GNG2: variants seen among roughly 807,000 people sequenced by gnomAD.
GNG2 encodes G protein subunit gamma 2.
A neutral mutation model predicts 5.5 loss-of-function variants in GNG2; 5 were observed. The ratio of observed to expected loss-of-function variants is 0.91; its 90% CI spans 0.48 to 1.92. The LOEUF is 1.92. Among genes scored for constraint, GNG2 ranks in the 30% most tolerant of loss-of-function variants. The pLI, the probability that GNG2 is intolerant of heterozygous loss-of-function variation, is 0.01. For synonymous variants in GNG2, 28 were observed against 32.0 expected, an observed-to-expected ratio of 0.88 and a Z score of 0.42; for missense variants, 55 against 88.4, an observed-to-expected ratio of 0.62 and a Z score of 1.52.
At chr14:51,911,243 A>G (rs1274533060) in intron 2 of GNG2, among the ~76,000 whole-genome samples, 1 of 152,200 alleles carries the variant, frequency 6.6e-6, no homozygotes, top group Non-Finnish European at 1.5e-5. Context: ...TAAATACCCT[A>G]TGTACATGTG....
chr14:51,932,128 T>C (rs1021782244), intron 2 of GNG2, among the ~76,000 whole-genome samples: 10 of 151,086 alleles, frequency 6.6e-5, no homozygotes, highest in African/African-American at 2.4e-4. Flanking sequence ...GCGCCTATAG[T>C]CCCAGCTACT....
intron 2 of GNG2, among the ~76,000 whole-genome samples, chr14:51,930,661 C>T (rs190325644): frequency 1.3e-5 from 2 of 152,304 alleles, no homozygotes; most frequent in East Asian, 3.9e-4. Flanking sequence ...TCCATTCTTG[C>T]ATTGCTGTAA....
chr14:51,961,835 T>G (rs1428106251), intron 3 of GNG2, among the ~76,000 whole-genome samples: 1 of 152,178 alleles, frequency 6.6e-6, no homozygotes, highest in Non-Finnish European at 1.5e-5. Context: ...GGAAGAATGC[T>G]ACAACATGAA....
At chr14:51,959,039 ACTTT>A (rs59940485) in intron 3 of GNG2, among the ~76,000 whole-genome samples, 142 of 152,220 alleles carry the variant, frequency 9.3e-4, no homozygotes, top group African/African-American at 3.3e-3. Context: ...GCCTTGAAAC[ACTTT>A]CTTTATTTGC....
chr14:51,950,777 C>T lies in GNG2; in HGVS notation c.87+12C>T. 3.3e-6 allele frequency: 5 copies of T among 1,538,236 alleles called. No individual in the cohort carries two copies. Among genetic ancestry groups the T allele is most frequent in the Non-Finnish European group, 3.5e-6 (4 of 1,127,376 alleles). ...TCGACAGGATAAAGGTGAGGATGGT[C>T]TAACCCCACACTTCATCTAGCGTGA... On this transcript the variant is annotated intron_variant, in intron 3 of 3. Coordinates refer to ENST00000556766, the MANE Select transcript of GNG2 (RefSeq NM_053064.5).
chr14:51,875,947 C>CTTT lies in GNG2; in HGVS notation c.-70-1666_-70-1664dup, dbSNP rs10529707. On this transcript the variant is annotated intron_variant, in intron 1 of 3. Transcript: ENST00000556766. The stretch of plus-strand genomic sequence containing the variant: ...TTTTTCATCATTTAAACATTTTTTT[C>CTTT]TTTTTTCCGAGACAGACTCTCACTC... 2.2e-4 allele frequency among the ~76,000 whole-genome samples: 31 copies of CTTT among 141,126 alleles called. 1 individual carries two copies. The highest frequency in any genetic ancestry group is 6.9e-4 in the African/African-American group (26 of 37,450). The allele number at this position is 141,126 out of a possible 152,430, so 92.6% of individuals were successfully genotyped here.
intron 2 of GNG2, among the ~76,000 whole-genome samples, chr14:51,880,054 C>G (rs543429823): frequency 2.0e-5 from 3 of 152,316 alleles, no homozygotes; most frequent in East Asian, 3.9e-4. Context: ...CTCTACAGTT[C>G]TCATTTTGTA....
chr14:51,877,773 A>T (rs1269369554), intron 2 of GNG2, 116 bp downstream of exon 2: 1 of 325,152 alleles, frequency 3.1e-6, no homozygotes, highest in Non-Finnish European at 6.2e-6. Context: ...TGAAAGAAAC[A>T]GTCATAGAGT....
chr14:51,893,986 A>G (rs1221052492), intron 2 of GNG2, among the ~76,000 whole-genome samples: 1 of 152,030 alleles, frequency 6.6e-6, no homozygotes, highest in Non-Finnish European at 1.5e-5. Flanking sequence ...CTTCATTATA[A>G]TAGTTTGATT....
At chr14:51,873,149 G>C (rs1187624019) in intron 1 of GNG2, among the ~76,000 whole-genome samples, 1 of 152,164 alleles carries the variant, frequency 6.6e-6, no homozygotes, top group Non-Finnish European at 1.5e-5. Context: ...TCCTTAAGGA[G>C]AAAGGCATAT....
chr14:51,900,700 G>A (rs1039746185), intron 2 of GNG2, among the ~76,000 whole-genome samples: 1 of 151,830 alleles, frequency 6.6e-6, no homozygotes, highest in African/African-American at 2.4e-5. Flanking sequence ...CTGCAAGAGG[G>A]TAGAAATGGG....
chr14:51,868,806 G>T (rs1369557503), intron 1 of GNG2, among the ~76,000 whole-genome samples: 1 of 152,174 alleles, frequency 6.6e-6, no homozygotes, highest in African/African-American at 2.4e-5. Flanking sequence ...ACACTTGGCT[G>T]CTGTGTTGAT....
intron 2 of GNG2, among the ~76,000 whole-genome samples, chr14:51,945,865 G>A (rs1888613934): frequency 1.3e-5 from 2 of 151,834 alleles, no homozygotes; most frequent in South Asian, 2.1e-4. Context: ...GGTAAACATC[G>A]GAATGGGTTT....
chr14:51,889,766 C>T (rs886699405), intron 2 of GNG2, among the ~76,000 whole-genome samples: 3 of 152,136 alleles, frequency 2.0e-5, no homozygotes, highest in East Asian at 3.9e-4. Context: ...AAATTGTGTT[C>T]GCAGATACAA....
At chr14:51,847,741 G>A (rs1881687828) in intron 2 of GNG2, among the ~76,000 whole-genome samples, 3 of 152,068 alleles carry the variant, frequency 2.0e-5, no homozygotes, top group African/African-American at 7.2e-5. Context: ...TCTGACCTTT[G>A]GAGAGTCAAA....
chr14:51,896,179 C>G (rs1435604828), intron 2 of GNG2, among the ~76,000 whole-genome samples: 1 of 152,178 alleles, frequency 6.6e-6, no homozygotes, highest in African/African-American at 2.4e-5. Flanking sequence ...AAAACATTAA[C>G]TAGGAGGATC....
chr14:51,930,348 A>T (rs1341925736), intron 2 of GNG2, among the ~76,000 whole-genome samples: 4 of 152,222 alleles, frequency 2.6e-5, no homozygotes, highest in Non-Finnish European at 5.9e-5. Context: ...ATGATTTCAG[A>T]TGAGAGCTCT....
chr14:51,908,736 A>ATGTTTTTTT (rs1886112109), intron 2 of GNG2, among the ~76,000 whole-genome samples: 1 of 89,880 alleles, frequency 1.1e-5, no homozygotes, highest in African/African-American at 4.2e-5. Context: ...CACCCAGCTA[A>ATGTTTTTTT]TTTTTTTTTT....
chr14:51,915,370 T>G (rs563646059), intron 2 of GNG2, among the ~76,000 whole-genome samples: 8 of 152,198 alleles, frequency 5.3e-5, no homozygotes, highest in Non-Finnish European at 1.2e-4. Context: ...ATGACTAACT[T>G]ATAATGTGTT....
Sources: gnomAD v4.1 joint callset for allele counts (sites outside exome capture counted in the v4.1 genomes callset) on GRCh38, gnomAD v4.1.1 for gene constraint, MANE v1.5 for transcripts, NCBI Gene and HGNC (gene_info 2026-07-23, HGNC 2026-07-21) for gene names.